Variants in LYPD6B observed in about 807,000 individuals in gnomAD.
LYPD6B encodes LY6/PLAUR domain containing 6B.
A neutral mutation model predicts 22.8 loss-of-function variants in LYPD6B; 17 were observed. The observed-to-expected ratio is 0.75, with a 90% CI of 0.51 to 1.12. LYPD6B has a LOEUF of 1.12. Ranked by LOEUF, LYPD6B falls within the 50% of genes most tolerant of loss-of-function variation. The pLI is 0.00. For missense variants in LYPD6B, 221 were observed against 258.3 expected (o/e 0.86, Z 0.99); for synonymous variants, 106 against 91.6 (o/e 1.16, Z -0.90).
chr2:149,132,680 C>T (rs1197798384), intron 2 of LYPD6B, among the ~76,000 whole-genome samples: 1 of 152,114 alleles, frequency 6.6e-6, no homozygotes, highest in Non-Finnish European at 1.5e-5. Context: ...AGTTTGTTAA[C>T]TGTGCTTGGC....
At chr2:149,154,116 C>T in intron 2 of LYPD6B, 1 of 733,128 alleles carries the variant, frequency 1.4e-6, no homozygotes, top group Non-Finnish European at 1.7e-6. Flanking sequence ...TGTATTTCCC[C>T]CATCCCCCCA....
At chr2:149,193,916 T>TATA (rs1692645887) in intron 3 of LYPD6B, among the ~76,000 whole-genome samples, 1 of 152,206 alleles carries the variant, frequency 6.6e-6, no homozygotes, top group Non-Finnish European at 1.5e-5. Context: ...GAATATAGTA[T>TATA]AGCCTCAGTG....
chr2:149,108,644 G>A (rs947662471), intron 1 of LYPD6B, among the ~76,000 whole-genome samples: 14 of 152,040 alleles, frequency 9.2e-5, no homozygotes, highest in African/African-American at 3.4e-4. Flanking sequence ...TTTTTAGTTA[G>A]CTGACAACTT....
intron 1 of LYPD6B, among the ~76,000 whole-genome samples, chr2:149,096,961 A>G (rs1685931293): frequency 6.6e-6 from 1 of 152,244 alleles, no homozygotes; most frequent in African/African-American, 2.4e-5. Flanking sequence ...CCACTTCTCA[A>G]AATGTGGAGC....
chr2:149,101,985 C>T (rs60374345), intron 1 of LYPD6B, among the ~76,000 whole-genome samples: 7,999 of 152,116 alleles, frequency 0.053, 570 homozygotes, highest in African/African-American at 0.16. Flanking sequence ...TATCAGCAAG[C>T]GGTAGAGATA....
chr2:149,102,140 G>A (rs1164192202), intron 1 of LYPD6B, among the ~76,000 whole-genome samples: 4 of 152,048 alleles, frequency 2.6e-5, no homozygotes, highest in African/African-American at 7.2e-5. Context: ...AGGGCTACTG[G>A]CTTCCTATTT....
chr2:149,173,630 T>C (rs1423549486), intron 3 of LYPD6B, among the ~76,000 whole-genome samples: 1 of 152,220 alleles, frequency 6.6e-6, no homozygotes, highest in Non-Finnish European at 1.5e-5. Flanking sequence ...TATTTATTGC[T>C]TTGCCAAAAT....
At chr2:149,211,419 G>A (rs538707628) in intron 5 of LYPD6B, among the ~76,000 whole-genome samples, 1 of 152,102 alleles carries the variant, frequency 6.6e-6, no homozygotes, top group Non-Finnish European at 1.5e-5. Context: ...TGTGACCATG[G>A]GCAAGAAATT....
At chr2:149,195,777 G>A (rs1692771339) in intron 3 of LYPD6B, among the ~76,000 whole-genome samples, 1 of 151,966 alleles carries the variant, frequency 6.6e-6, no homozygotes, top group African/African-American at 2.4e-5. Flanking sequence ...TTAATAATTT[G>A]ACAAAAATGG....
At chr2:149,092,611 C>T (rs559745564) in intron 1 of LYPD6B, among the ~76,000 whole-genome samples, 1 of 146,138 alleles carries the variant, frequency 6.8e-6, no homozygotes, top group South Asian at 2.1e-4. Context: ...CTAGTGTGAC[C>T]ATGTGACTAA....
intron 3 of LYPD6B, among the ~76,000 whole-genome samples, chr2:149,177,520 A>G (rs962323929): frequency 3.3e-5 from 5 of 152,202 alleles, no homozygotes; most frequent in African/African-American, 7.2e-5. Flanking sequence ...AAATGGATGT[A>G]AATTACCAGG....
intron 1 of LYPD6B, among the ~76,000 whole-genome samples, chr2:149,086,715 T>G (rs931192964): frequency 9.2e-5 from 14 of 152,170 alleles, no homozygotes; most frequent in African/African-American, 3.1e-4. Context: ...CAATAAAAAT[T>G]TATTTTTTCA....
chr2:149,060,607 C>A (rs1684032561), intron 1 of LYPD6B, among the ~76,000 whole-genome samples: 1 of 152,114 alleles, frequency 6.6e-6, no homozygotes, highest in African/African-American at 2.4e-5. Flanking sequence ...GCTGGACATG[C>A]AGTTTGGGAC....
intron 1 of LYPD6B, among the ~76,000 whole-genome samples, chr2:149,059,848 C>G (rs1683992099): frequency 6.6e-6 from 1 of 152,178 alleles, no homozygotes; most frequent in African/African-American, 2.4e-5. Context: ...TGTGCACTTG[C>G]CTGGGGACAG....
intron 1 of LYPD6B, among the ~76,000 whole-genome samples, chr2:149,065,098 A>G (rs1684261535): frequency 6.6e-6 from 1 of 152,082 alleles, no homozygotes; most frequent in Admixed American, 6.6e-5. Context: ...TTTGAAGTTC[A>G]CCCTCCCTCC....
chr2:149,208,267 T>G (rs1235215591), intron 4 of LYPD6B, 47 bp from the exon 5 acceptor site: 1 of 1,447,104 alleles, frequency 6.9e-7, no homozygotes, highest in South Asian at 1.1e-5. Context: ...TGTTCGAAAT[T>G]TTTGTCTTCT....
rs190914724 is a variant in LYPD6B, at chr2:149,105,446, T to C, written c.-66-25437T>C. ...TATGTGTCTTCCAATCCATGAACAA[T>C]GCAGTAACTCAGCATTTATTTAAGT... On this transcript the variant is annotated intron_variant, in intron 1 of 6. Transcript: ENST00000409642. Among the ~76,000 whole-genome samples, 10 of 152,340 alleles carry C rather than the reference T, an allele frequency of 6.6e-5. No homozygotes were observed. In the East Asian group the frequency reaches 1.3e-3, roughly 21 times the overall value.
intron 3 of LYPD6B, among the ~76,000 whole-genome samples, chr2:149,171,625 G>A (rs145572237): frequency 4.9e-4 from 74 of 152,048 alleles, no homozygotes; most frequent in African/African-American, 1.7e-3. Context: ...ATATGGAAAG[G>A]GGGACTCAAG....
chr2:149,130,560 C>T (rs945200864), intron 1 of LYPD6B, among the ~76,000 whole-genome samples: 12 of 152,192 alleles, frequency 7.9e-5, no homozygotes, highest in Non-Finnish European at 1.8e-4. Flanking sequence ...GTCCCACTAA[C>T]TTACAGCAGA....
Sources: gnomAD v4.1 joint callset for allele counts (sites outside exome capture counted in the v4.1 genomes callset) on GRCh38, gnomAD v4.1.1 for gene constraint, MANE v1.5 for transcripts, NCBI Gene and HGNC (gene_info 2026-07-23, HGNC 2026-07-21) for gene names.